GPHN: variants seen among roughly 807,000 people sequenced by gnomAD.
GPHN encodes gephyrin.
In GPHN, 17 loss-of-function variants were observed where a neutral mutation model predicts 95.5. The ratio of observed to expected loss-of-function variants is 0.18; its 90% CI spans 0.12 to 0.27. GPHN has a LOEUF of 0.27. GPHN is among the 10% of genes least tolerant of loss of function. The pLI is 1.00. For missense variants in GPHN, 660 were observed against 978.1 expected, an observed-to-expected ratio of 0.67 and a Z score of 4.34; for synonymous variants, 320 against 322.5, an observed-to-expected ratio of 0.99 and a Z score of 0.08.
chr14:66,930,382 A>G (rs952467743), intron 8 of GPHN, among the ~76,000 whole-genome samples: 2 of 152,264 alleles, frequency 1.3e-5, no homozygotes, highest in African/African-American at 4.8e-5. Flanking sequence ...TTTTAAACCA[A>G]TGACAACTTA....
At chr14:67,284,429 TAA>T in the GPHN span, among the ~76,000 whole-genome samples, 6 of 92,660 alleles carry the variant, frequency 6.5e-5, no homozygotes, top group Admixed American at 3.5e-4. Flanking sequence ...CCCTATCTCT[TAA>T]AAAAAAAAAA....
the GPHN span, chr14:67,203,040 T>C: frequency 5.1e-6 from 8 of 1,565,186 alleles, no homozygotes; most frequent in Admixed American, 5.5e-5. Flanking sequence ...CAAGCAAGGT[T>C]GTCAAAGCCA....
At chr14:67,668,865 C>G in the GPHN span, among the ~76,000 whole-genome samples, 1 of 152,072 alleles carries the variant, frequency 6.6e-6, no homozygotes, top group Non-Finnish European at 1.5e-5. Flanking sequence ...ACAATGAAAC[C>G]ACTGTCCTAG....
chr14:66,669,682 T>G (rs1311366291), intron 1 of GPHN, among the ~76,000 whole-genome samples: 5 of 152,184 alleles, frequency 3.3e-5, no homozygotes, highest in Non-Finnish European at 7.3e-5. Context: ...CTGATTGTTT[T>G]CGCATGTTTC....
chr14:67,214,146 C>T, the GPHN span, among the ~76,000 whole-genome samples: 4 of 152,164 alleles, frequency 2.6e-5, no homozygotes, highest in African/African-American at 9.7e-5. Flanking sequence ...GTTTCTTTTG[C>T]TGTGCAGAAG....
intron 1 of GPHN, among the ~76,000 whole-genome samples, chr14:66,664,839 C>A (rs1414616305): frequency 6.6e-6 from 1 of 151,870 alleles, no homozygotes; most frequent in African/African-American, 2.4e-5. Flanking sequence ...ATTATAAACA[C>A]CTCTATCTGT....
At chr14:67,357,116 C>T in the GPHN span, among the ~76,000 whole-genome samples, 1 of 152,200 alleles carries the variant, frequency 6.6e-6, no homozygotes, top group Non-Finnish European at 1.5e-5. Context: ...TAGTGGACTT[C>T]TGTTGACTCC....
intron 1 of GPHN, among the ~76,000 whole-genome samples, chr14:66,538,410 G>A (rs567914029): frequency 6.6e-6 from 1 of 150,746 alleles, no homozygotes; most frequent in Non-Finnish European, 1.5e-5. Flanking sequence ...CCTCTAAACT[G>A]TGTTAGGCGT....
chr14:67,382,845 A>C, the GPHN span, among the ~76,000 whole-genome samples: 1 of 152,098 alleles, frequency 6.6e-6, no homozygotes, highest in African/African-American at 2.4e-5. Context: ...TTGGAGAAAA[A>C]AAAAGTTGTC....
At chr14:66,842,060 C>A (rs2062116125) in intron 4 of GPHN, among the ~76,000 whole-genome samples, 2 of 148,588 alleles carry the variant, frequency 1.3e-5, no homozygotes, top group Non-Finnish European at 3.0e-5. Flanking sequence ...CCCCCCGCCC[C>A]CGCCCCAACC....
At chr14:66,675,845 T>G (rs1253106182) in intron 1 of GPHN, among the ~76,000 whole-genome samples, 1 of 152,168 alleles carries the variant, frequency 6.6e-6, no homozygotes, top group Non-Finnish European at 1.5e-5. Flanking sequence ...CAACACCATT[T>G]AGATATTTTA....
the GPHN span, chr14:67,467,274 T>C: frequency 0.025 from 3,871 of 152,270 alleles, 157 homozygotes; most frequent in African/African-American, 0.087. Flanking sequence ...ACAGGTCAGT[T>C]CTCAGTCCTA....
the GPHN span, chr14:67,338,660 A>T: frequency 1.2e-6 from 2 of 1,614,110 alleles, no homozygotes; most frequent in East Asian, 4.5e-5. Context: ...CTTCAGCCAG[A>T]AGATTAGCAG....
intron 11 of GPHN, among the ~76,000 whole-genome samples, chr14:67,082,024 C>G (rs112432778): frequency 0.067 from 10,125 of 152,082 alleles, 359 homozygotes; most frequent in Middle Eastern, 0.085. Flanking sequence ...TTTGAAGTCA[C>G]GTAGTGTGAT....
chr14:67,400,726 G>A, the GPHN span, among the ~76,000 whole-genome samples: 1 of 152,082 alleles, frequency 6.6e-6, no homozygotes, highest in African/African-American at 2.4e-5. Flanking sequence ...GGTGGTTCAC[G>A]CCTGTAATCC....
chr14:67,491,893 G>T, the GPHN span, among the ~76,000 whole-genome samples: 1 of 152,206 alleles, frequency 6.6e-6, no homozygotes, highest in African/African-American at 2.4e-5. Context: ...GGCCCAGGCC[G>T]CGGGGGCCTG....
chr14:66,875,665 A>T (rs1320894413), intron 4 of GPHN, among the ~76,000 whole-genome samples: 1 of 152,206 alleles, frequency 6.6e-6, no homozygotes, highest in Non-Finnish European at 1.5e-5. Context: ...AAAGAAGGGC[A>T]TTACATAATG....
At chr14:67,199,076 G>A in the GPHN span, 48 of 930,180 alleles carry the variant, frequency 5.2e-5, no homozygotes, top group Non-Finnish European at 7.9e-5. Context: ...CTACCAGGCC[G>A]ATCTCCGAGC....
the GPHN span, chr14:67,724,377 T>A: frequency 1.1e-6 from 1 of 930,730 alleles, no homozygotes; most frequent in Non-Finnish European, 1.7e-6. Flanking sequence ...ATACCCTTCT[T>A]TGAGGCTGGA....
Sources: allele counts gnomAD v4.1 joint callset (sites outside exome capture counted in the v4.1 genomes callset), GRCh38; gene constraint gnomAD v4.1.1; transcripts MANE v1.5; gene names NCBI Gene and HGNC (gene_info 2026-07-23, HGNC 2026-07-21).